SNX27: variants seen among roughly 807,000 people sequenced by gnomAD.
SNX27 encodes the protein sorting nexin-27.
SNX27 carries 22 observed loss-of-function variants against 71.6 expected under a neutral mutation model. The ratio of observed to expected loss-of-function variants is 0.31; its 90% CI spans 0.22 to 0.44. SNX27 has a LOEUF of 0.44. Ranked by LOEUF, SNX27 falls within the 20% of genes least tolerant of loss-of-function variation. The probability of loss-of-function intolerance (pLI) is 1.00; values close to 1 mark genes in which losing one functional copy is unlikely to be tolerated. For synonymous variants in SNX27, 269 were observed against 277.2 expected, an observed-to-expected ratio of 0.97 and a Z score of 0.29; for missense variants, 531 against 698.6, an observed-to-expected ratio of 0.76 and a Z score of 2.70.
chr1:151,687,417 A>C (rs914026115), intron 8 of SNX27, among the ~76,000 whole-genome samples: 3 of 152,172 alleles, frequency 2.0e-5, no homozygotes, highest in African/African-American at 7.2e-5. Flanking sequence ...GGTAGGACCT[A>C]GGGAACTTTA....
Position 151,661,016 on chromosome 1 carries a change from C to G in SNX27, c.801+154C>G, listed in dbSNP as rs1669944264. ...TTTATATGTATCCTACTTATCTATCCTTTAAGACCTAGGTCCACTTTCTCT... is the reference window on the plus strand; with the variant it reads ...TTTATATGTATCCTACTTATCTATCGTTTAAGACCTAGGTCCACTTTCTCT... On this transcript the variant is annotated intron_variant, in intron 4 of 11. Coordinates refer to ENST00000458013, the MANE Select transcript of SNX27 (RefSeq NM_001330723.2). 4 of 582,042 alleles carry G rather than the reference C, an allele frequency of 6.9e-6. No homozygotes were observed. In the East Asian group the frequency reaches 1.1e-4, roughly 17 times the overall value. 36.1% of individuals were successfully genotyped at this position (582,042 alleles called of 1,614,324 possible).
At position 151,662,255 on chromosome 1, in the gene SNX27, A is replaced by C; in HGVS notation, c.891A>C (p.Thr297=). ...VTVRVKKNST[T]DQVYQAIAAK... ...TCAGGGTTAAAAAGAACAGTACTAC[A>C]GACCAAGTATATCAGGTAAATTAAA... Residue 297 remains threonine (T), a synonymous_variant, in exon 5 of 12, where the codon ACA becomes ACC. Transcript: ENST00000458013. The C allele has an allele frequency of 6.2e-7, 1 of 1,609,430 alleles. No individual in the cohort carries two copies. The highest frequency in any genetic ancestry group is 2.2e-5 in the East Asian group (1 of 44,814).
intron 3 of SNX27, chr1:151,660,023 T>C (rs1382441739): frequency 6.6e-6 from 1 of 152,192 alleles, no homozygotes; most frequent in Non-Finnish European, 1.5e-5. Flanking sequence ...GGAACTTCTT[T>C]ATCTGTTTTT....
chr1:151,616,314 G>A (rs1667424386), intron 1 of SNX27, among the ~76,000 whole-genome samples: 1 of 152,176 alleles, frequency 6.6e-6, no homozygotes, highest in South Asian at 2.1e-4. Flanking sequence ...CTGCTGGAAG[G>A]TTTTAGTGTG....
At chr1:151,631,898 C>T (rs1321436493) in intron 1 of SNX27, among the ~76,000 whole-genome samples, 1 of 152,150 alleles carries the variant, frequency 6.6e-6, no homozygotes, top group East Asian at 1.9e-4. Flanking sequence ...CTGTCTTGAA[C>T]TCCTGGGCTC....
Position 151,612,759 on chromosome 1 carries a change from G to A in SNX27, c.311+247G>A, listed in dbSNP as rs538380621. Reference sequence around the variant, plus strand: ...CAGCTGATGCCCTTGCGCCCCCAGTGCTCCTCCCTGTGCCCCGATTACTCT... The same window carrying A: ...CAGCTGATGCCCTTGCGCCCCCAGTACTCCTCCCTGTGCCCCGATTACTCT... On this transcript the variant is annotated intron_variant, in intron 1 of 11. Coordinates refer to ENST00000458013, the MANE Select transcript of SNX27 (RefSeq NM_001330723.2). This position sits in a 1 kb window ranked among gnomAD's most constrained non-coding sequence, Gnocchi z 5.2. Among the ~76,000 whole-genome samples, 1 of 152,172 alleles carries A rather than the reference G, an allele frequency of 6.6e-6. No homozygotes were observed. Among genetic ancestry groups the A allele is most frequent in the East Asian group, 1.9e-4 (1 of 5,156 alleles).
chr1:151,687,945 C>CAAA (rs10580377), intron 8 of SNX27, among the ~76,000 whole-genome samples: 1 of 111,476 alleles, frequency 9.0e-6, no homozygotes, highest in Non-Finnish European at 2.1e-5. Context: ...GAGTCTGTCT[C>CAAA]AAAAAAAAAA....
intron 8 of SNX27, among the ~76,000 whole-genome samples, chr1:151,689,235 A>G (rs1170955399): frequency 6.6e-6 from 1 of 152,212 alleles, no homozygotes; most frequent in Non-Finnish European, 1.5e-5. Context: ...AGTCTGAGAG[A>G]TTAAGATTCT....
rs182037704 is a variant in SNX27, at chr1:151,629,723, G to A, written c.312-9165G>A. The stretch of plus-strand genomic sequence containing the variant: ...CTGAGCCTCCTGAGGGTCTACATGT[G>A]CGTGCCACCATGCCCGGCTAATTTT... On this transcript the variant is annotated intron_variant, in intron 1 of 11. Coordinates refer to ENST00000458013, the MANE Select transcript of SNX27 (RefSeq NM_001330723.2). 4.8e-4 allele frequency among the ~76,000 whole-genome samples: 73 copies of A among 150,624 alleles called. No individual in the cohort carries two copies. The Middle Eastern group carries it at 0.01, about 21-fold the overall frequency.
Position 151,692,428 on chromosome 1 carries a change from T to C in SNX27, c.1240-7T>C. The C allele has an allele frequency of 6.9e-7, 1 of 1,452,136 alleles. No homozygotes were observed. The highest frequency in any genetic ancestry group is 9.0e-7 in the Non-Finnish European group (1 of 1,110,312). The allele number at this position is 1,452,136 out of a possible 1,614,324, so 90.0% of individuals were successfully genotyped here. A position where few individuals can be genotyped will look rare whatever the true frequency, so the allele number is the denominator to read the frequency against. Reference sequence around the variant, plus strand: ...TTCCTTTTTTTTTTTTTTTTTTTTTTTTTTAGTACCTCAACATGCTAAGGA... The same window carrying C: ...TTCCTTTTTTTTTTTTTTTTTTTTTCTTTTAGTACCTCAACATGCTAAGGA... On this transcript the variant is annotated splice_region_variant and splice_polypyrimidine_tract_variant and intron_variant, in intron 8 of 11. Transcript: ENST00000458013.
At chr1:151,649,390 C>T (rs1669219903) in intron 2 of SNX27, among the ~76,000 whole-genome samples, 1 of 151,992 alleles carries the variant, frequency 6.6e-6, no homozygotes, top group African/African-American at 2.4e-5. Flanking sequence ...TGAGATCACC[C>T]TGGGCAACAT....
At chr1:151,630,158 T>C (rs1446068822) in intron 1 of SNX27, among the ~76,000 whole-genome samples, 1 of 152,026 alleles carries the variant, frequency 6.6e-6, no homozygotes, top group Non-Finnish European at 1.5e-5. Context: ...TTTCATTTAT[T>C]CTTAGAAGAA....
At chr1:151,684,672 T>C (rs986287129) in intron 8 of SNX27, among the ~76,000 whole-genome samples, 1 of 152,190 alleles carries the variant, frequency 6.6e-6, no homozygotes, top group African/African-American at 2.4e-5. Context: ...AAATATTAAA[T>C]CAAAAATGCA....
intron 7 of SNX27, among the ~76,000 whole-genome samples, chr1:151,682,814 C>T (rs542633904): frequency 6.6e-6 from 1 of 152,258 alleles, no homozygotes; most frequent in South Asian, 2.1e-4. Flanking sequence ...GCGGGCAGAT[C>T]ACTTGAGGTC....
intron 9 of SNX27, 146 bp downstream of exon 9, chr1:151,692,730 C>A: frequency 7.2e-7 from 1 of 1,391,466 alleles, no homozygotes; most frequent in Non-Finnish European, 9.8e-7. Context: ...GGAATCCACA[C>A]TGATCCTCAA....
At chr1:151,649,812 C>T (rs1271543285) in intron 2 of SNX27, among the ~76,000 whole-genome samples, 1 of 152,182 alleles carries the variant, frequency 6.6e-6, no homozygotes, top group East Asian at 1.9e-4. Flanking sequence ...CTCAAGTGAT[C>T]CTCCTGACTC....
chr1:151,650,744 T>C (rs1327562737), intron 2 of SNX27, among the ~76,000 whole-genome samples: 1 of 151,882 alleles, frequency 6.6e-6, no homozygotes, highest in South Asian at 2.1e-4. Flanking sequence ...CAGAGGACCC[T>C]GCGGCCTTCC....
At chr1:151,655,085 A>G (rs1037420443) in intron 2 of SNX27, among the ~76,000 whole-genome samples, 1 of 152,018 alleles carries the variant, frequency 6.6e-6, no homozygotes, top group African/African-American at 2.4e-5. Flanking sequence ...AGATTTTGTT[A>G]CATTTCTTTA....
intron 3 of SNX27, among the ~76,000 whole-genome samples, chr1:151,658,649 A>G (rs957450184): frequency 6.6e-6 from 1 of 151,972 alleles, no homozygotes; most frequent in Non-Finnish European, 1.5e-5. Flanking sequence ...AACAACAGAA[A>G]AATGAATATT....
Sources: gnomAD v4.1 joint callset for allele counts (sites outside exome capture counted in the v4.1 genomes callset) on GRCh38, gnomAD v4.1.1 for gene constraint, Gnocchi (gnomAD v3.1) non-coding constraint, MANE v1.5 for transcripts, NCBI Gene and HGNC (gene_info 2026-07-23, HGNC 2026-07-21) for gene names.